Variants in PRORP observed in about 807,000 individuals in gnomAD.
PRORP encodes mitochondrial ribonuclease P catalytic subunit.
In PRORP, 51 loss-of-function variants were observed where a neutral mutation model predicts 59.4. The ratio of observed to expected loss-of-function variants is 0.86; its 90% CI spans 0.69 to 1.08. The LOEUF is 1.08. Ranked by LOEUF, PRORP falls within the 50% of genes least tolerant of loss-of-function variation. PRORP has a pLI of 0.00. For synonymous variants in PRORP, 231 were observed against 245.6 expected (o/e 0.94, Z 0.55); for missense variants, 646 against 690.3 (o/e 0.94, Z 0.72).
chr14:35,237,408 A>C (rs1344741869), intron 5 of PRORP, among the ~76,000 whole-genome samples: 1 of 151,360 alleles, frequency 6.6e-6, no homozygotes, highest in Non-Finnish European at 1.5e-5. Flanking sequence ...TCTCAAATCC[A>C]TTCTTTTCTC....
At position 35,237,944 on chromosome 14, in the gene PRORP, G is replaced by A. The variant is rs567343603; in HGVS notation, c.1276-28783G>A. On this transcript the variant is annotated intron_variant, in intron 5 of 7. Coordinates refer to ENST00000534898, the MANE Select transcript of PRORP (RefSeq NM_014672.4). ...GCTGGGATTACAGGCATGAGCCACC[G>A]TGCCTGGCCTTAAATTTTTAAATTA... Among the ~76,000 whole-genome samples the A allele has an allele frequency of 3.9e-5, 6 of 152,108 alleles. No individual in the cohort carries two copies. The East Asian group carries it at 7.7e-4, about 20-fold the overall frequency.
Position 35,276,614 on chromosome 14 carries a change from T to C in PRORP, c.*3048T>C, listed in dbSNP as rs927339381. 1 of 151,762 alleles carries C rather than the reference T, an allele frequency of 6.6e-6. No individual in the cohort carries two copies. The highest frequency in any genetic ancestry group is 2.4e-5 in the African/African-American group (1 of 41,282). 9.4% of individuals were successfully genotyped at this position (151,762 alleles called of 1,614,324 possible). On this transcript the variant is annotated 3_prime_UTR_variant, in exon 8 of 8. Transcript: ENST00000534898. ...GGTACCAGACACTTAGGCTGCCCATTTGTGTTCTGATCATTTGAGTGAAAA... is the reference window on the plus strand; with the variant it reads ...GGTACCAGACACTTAGGCTGCCCATCTGTGTTCTGATCATTTGAGTGAAAA...
intron 5 of PRORP, among the ~76,000 whole-genome samples, chr14:35,182,504 G>A (rs2048639513): frequency 6.6e-6 from 1 of 152,088 alleles, no homozygotes; most frequent in Non-Finnish European, 1.5e-5. Flanking sequence ...AATTAGCCGG[G>A]TGTGGTGGCA....
At chr14:35,121,869 C>A, upstream of PRORP, 1 of 1,612,676 alleles carries the variant, frequency 6.2e-7, no homozygotes, top group South Asian at 1.1e-5. Context: ...TAGGGCCGGG[C>A]CATCCCAACG....
At chr14:35,215,446 A>G (rs61989546) in intron 5 of PRORP, among the ~76,000 whole-genome samples, 24,524 of 152,172 alleles carry the variant, frequency 0.16, 2,327 homozygotes, top group Middle Eastern at 0.23. Flanking sequence ...TAAGTTTCAA[A>G]GAAAAAAATA....
intron 4 of PRORP, among the ~76,000 whole-genome samples, chr14:35,152,065 C>T (rs2047769025): frequency 6.6e-6 from 1 of 151,990 alleles, no homozygotes; most frequent in African/African-American, 2.4e-5. Flanking sequence ...TTTTCCTAGG[C>T]AGAGGACCCT....
chr14:35,235,393 G>A (rs2050185574), intron 5 of PRORP: 1 of 697,066 alleles, frequency 1.4e-6, no homozygotes, highest in Non-Finnish European at 2.6e-6. Context: ...TCTTCCTGTG[G>A]ACTAGATGTC....
intron 4 of PRORP, among the ~76,000 whole-genome samples, chr14:35,177,082 G>A (rs2048471799): frequency 6.6e-6 from 1 of 152,202 alleles, no homozygotes; most frequent in Non-Finnish European, 1.5e-5. Context: ...TTGCATCCCA[G>A]GGATGAAGCC....
chr14:35,190,433 C>G (rs1022746287), intron 5 of PRORP, among the ~76,000 whole-genome samples: 2 of 151,592 alleles, frequency 1.3e-5, no homozygotes, highest in Admixed American at 6.6e-5. Flanking sequence ...GCAAAATGGT[C>G]TAGTAACATT....
At chr14:35,180,350 A>AT (rs1595253632) in intron 4 of PRORP, among the ~76,000 whole-genome samples, 1 of 152,216 alleles carries the variant, frequency 6.6e-6, no homozygotes, top group East Asian at 1.9e-4. Context: ...CATTCTTATC[A>AT]TAACTATCAT....
At chr14:35,254,042 C>T (rs758374090) in intron 5 of PRORP, among the ~76,000 whole-genome samples, 18 of 149,450 alleles carry the variant, frequency 1.2e-4, no homozygotes, top group Admixed American at 9.5e-4. Flanking sequence ...CATAACTGGC[C>T]GCCTACTAGA....
intron 6 of PRORP, among the ~76,000 whole-genome samples, chr14:35,267,825 T>C: frequency 6.6e-6 from 1 of 151,446 alleles, no homozygotes; most frequent in East Asian, 1.9e-4. Flanking sequence ...GGCATAAGCT[T>C]GGCATGTGTT....
intron 4 of PRORP, among the ~76,000 whole-genome samples, chr14:35,143,831 A>G (rs2047541024): frequency 6.9e-6 from 1 of 144,904 alleles, no homozygotes; most frequent in Non-Finnish European, 1.5e-5. Flanking sequence ...TATTTTTAGT[A>G]GAGATGGGGT....
At chr14:35,169,334 A>T (rs1459729490) in intron 4 of PRORP, among the ~76,000 whole-genome samples, 1 of 151,898 alleles carries the variant, frequency 6.6e-6, no homozygotes. Context: ...ATGTGTGTGT[A>T]TGTGTGTATC....
intron 5 of PRORP, among the ~76,000 whole-genome samples, chr14:35,245,935 T>C (rs2050471343): frequency 6.6e-6 from 1 of 152,184 alleles, no homozygotes; most frequent in African/African-American, 2.4e-5. Flanking sequence ...TGAGTTTCCG[T>C]GTCTGAAAAT....
intron 4 of PRORP, among the ~76,000 whole-genome samples, chr14:35,130,030 C>CTTTTT (rs1180777805): frequency 7.7e-6 from 1 of 129,918 alleles, no homozygotes; most frequent in Non-Finnish European, 1.6e-5. Context: ...TTTAGACTTT[C>CTTTTT]TTTTTTTTTT....
At chr14:35,262,515 T>A in intron 5 of PRORP, 1 of 591,870 alleles carries the variant, frequency 1.7e-6, no homozygotes, top group South Asian at 1.7e-5. Context: ...GTGACATTAC[T>A]CTGAAGGGAC....
chr14:35,180,142 A>G (rs1472256511), intron 4 of PRORP, among the ~76,000 whole-genome samples: 1 of 152,196 alleles, frequency 6.6e-6, no homozygotes, highest in Admixed American at 6.6e-5. Flanking sequence ...GTCTGCCCCT[A>G]CTTGGGCTAC....
chr14:35,268,115 A>G (rs1227916966), intron 6 of PRORP, among the ~76,000 whole-genome samples: 1 of 152,128 alleles, frequency 6.6e-6, no homozygotes, highest in Non-Finnish European at 1.5e-5. Context: ...TGGGAAGCCA[A>G]GGCAGGCAGA....
Sources: gnomAD v4.1 joint callset for allele counts (sites outside exome capture counted in the v4.1 genomes callset) on GRCh38, gnomAD v4.1.1 for gene constraint, MANE v1.5 for transcripts, NCBI Gene and HGNC (gene_info 2026-07-23, HGNC 2026-07-21) for gene names.